Variants in BCKDHB observed in about 807,000 individuals in gnomAD.
The protein encoded by BCKDHB is branched chain keto acid dehydrogenase E1 subunit beta.
Under a neutral mutation model 48.5 loss-of-function variants are expected in BCKDHB, and 41 were observed. The observed-to-expected ratio is 0.85, with a 90% CI of 0.66 to 1.10. BCKDHB has a LOEUF of 1.10. Ranked by LOEUF, BCKDHB falls within the 50% of genes least tolerant of loss-of-function variation. The probability of loss-of-function intolerance (pLI) is 0.00; values close to 1 mark genes in which losing one functional copy is unlikely to be tolerated. For synonymous variants in BCKDHB, 201 were observed against 174.8 expected, an observed-to-expected ratio of 1.15 and a Z score of -1.18; for missense variants, 496 against 494.2, an observed-to-expected ratio of 1.00 and a Z score of -0.03.
downstream of BCKDHB, among the ~76,000 whole-genome samples, chr6:80,349,655 A>G (rs1194019344): frequency 6.6e-6 from 1 of 152,248 alleles, no homozygotes; most frequent in Non-Finnish European, 1.5e-5. Flanking sequence ...CAAATATGGC[A>G]TAATTCATAT....
intron 8 of BCKDHB, among the ~76,000 whole-genome samples, chr6:80,262,343 T>A (rs1777340614): frequency 6.6e-6 from 1 of 152,106 alleles, no homozygotes; most frequent in Admixed American, 6.6e-5. Flanking sequence ...TTTTTCTGAA[T>A]TTTTTTGACC....
chr6:80,239,083 T>C (rs930769650), intron 8 of BCKDHB, among the ~76,000 whole-genome samples: 2 of 152,190 alleles, frequency 1.3e-5, no homozygotes, highest in African/African-American at 2.4e-5. Flanking sequence ...GTCTTTATAG[T>C]AGAATGATTT....
chr6:80,312,248 A>G (rs1267425138), intron 9 of BCKDHB, among the ~76,000 whole-genome samples: 1 of 152,144 alleles, frequency 6.6e-6, no homozygotes, highest in Non-Finnish European at 1.5e-5. Flanking sequence ...AGTGTATAGG[A>G]ATGCTAGTAA....
chr6:80,125,303 G>A (rs1177485457), intron 1 of BCKDHB, among the ~76,000 whole-genome samples: 5 of 152,092 alleles, frequency 3.3e-5, no homozygotes, highest in Non-Finnish European at 7.4e-5. Flanking sequence ...AACTTGCCCT[G>A]GATTAGGCTT....
At chr6:80,370,491 C>T in the BCKDHB span, among the ~76,000 whole-genome samples, 1 of 152,186 alleles carries the variant, frequency 6.6e-6, no homozygotes, top group African/African-American at 2.4e-5. Flanking sequence ...GATTTTGGTG[C>T]ACCCATCACC....
At chr6:80,432,784 T>C in the BCKDHB span, among the ~76,000 whole-genome samples, 2 of 152,178 alleles carry the variant, frequency 1.3e-5, no homozygotes, top group Non-Finnish European at 2.9e-5. Flanking sequence ...TTTTTAGCCA[T>C]TTTGCTCTGG....
chr6:80,387,332 G>C, the BCKDHB span, among the ~76,000 whole-genome samples: 1 of 151,826 alleles, frequency 6.6e-6, no homozygotes, highest in Non-Finnish European at 1.5e-5. Flanking sequence ...GGTGGGAAAG[G>C]CTAAATAGAA....
chr6:80,357,714 C>T, the BCKDHB span, among the ~76,000 whole-genome samples: 1 of 152,178 alleles, frequency 6.6e-6, no homozygotes, highest in Admixed American at 6.5e-5. Context: ...GTGTACTCTG[C>T]TGATGGAAAT....
intron 8 of BCKDHB, among the ~76,000 whole-genome samples, chr6:80,229,524 G>A (rs989421475): frequency 1.3e-5 from 2 of 151,962 alleles, no homozygotes; most frequent in African/African-American, 2.4e-5. Flanking sequence ...GTAACCAGTG[G>A]AACAAAATAG....
At chr6:80,426,001 T>C in the BCKDHB span, among the ~76,000 whole-genome samples, 32 of 152,220 alleles carry the variant, frequency 2.1e-4, no homozygotes, top group Non-Finnish European at 4.6e-4. Flanking sequence ...TGGTGCAGAC[T>C]GAGCTTTTCC....
At chr6:80,169,804 C>A in intron 5 of BCKDHB, 1 of 1,602,998 alleles carries the variant, frequency 6.2e-7, no homozygotes. Flanking sequence ...TTTGTTTTTT[C>A]TACCAGATCA....
chr6:80,397,564 T>TA, the BCKDHB span, among the ~76,000 whole-genome samples: 2 of 152,164 alleles, frequency 1.3e-5, no homozygotes, highest in Admixed American at 6.6e-5. Context: ...TTCTGCTTTT[T>TA]AAAAAAATTA....
chr6:80,213,468 A>G (rs992333087), intron 8 of BCKDHB, among the ~76,000 whole-genome samples: 1 of 152,090 alleles, frequency 6.6e-6, no homozygotes, highest in African/African-American at 2.4e-5. Flanking sequence ...GGGAGTTACT[A>G]TTTGTATAGC....
chr6:80,253,866 A>AT (rs1192428268), intron 8 of BCKDHB, among the ~76,000 whole-genome samples: 1 of 151,904 alleles, frequency 6.6e-6, no homozygotes, highest in Non-Finnish European at 1.5e-5. Context: ...TAGGCCACTA[A>AT]TTTTTTTCAT....
the BCKDHB span, among the ~76,000 whole-genome samples, chr6:80,367,978 C>A: frequency 7.2e-5 from 11 of 152,278 alleles, no homozygotes; most frequent in East Asian, 1.9e-3. Context: ...GAACTTGGAG[C>A]CCTTCTGAGA....
At chr6:80,409,389 T>C in the BCKDHB span, among the ~76,000 whole-genome samples, 1 of 151,446 alleles carries the variant, frequency 6.6e-6, no homozygotes, top group Non-Finnish European at 1.5e-5. Flanking sequence ...TAGATGTCTA[T>C]TAGGTCCACT....
At chr6:80,335,957 T>G (rs1180697370) in intron 9 of BCKDHB, among the ~76,000 whole-genome samples, 1 of 152,106 alleles carries the variant, frequency 6.6e-6, no homozygotes, top group Admixed American at 6.5e-5. Flanking sequence ...GTATGGTCTC[T>G]GGACAACAAT....
the BCKDHB span, among the ~76,000 whole-genome samples, chr6:80,410,531 A>G: frequency 8.5e-5 from 13 of 152,150 alleles, no homozygotes; most frequent in Non-Finnish European, 1.9e-4. Flanking sequence ...CAATATACTG[A>G]AAAATGTTTT....
chr6:80,377,742 A>T, the BCKDHB span, among the ~76,000 whole-genome samples: 3 of 152,218 alleles, frequency 2.0e-5, no homozygotes, highest in Non-Finnish European at 4.4e-5. Context: ...GTTTTGCAGT[A>T]AATTTTGAAA....
Sources: allele counts gnomAD v4.1 joint callset (sites outside exome capture counted in the v4.1 genomes callset), GRCh38; gene constraint gnomAD v4.1.1; transcripts MANE v1.5; gene names NCBI Gene and HGNC (gene_info 2026-07-23, HGNC 2026-07-21).